PRKCB: variants seen among roughly 807,000 people sequenced by gnomAD.
PRKCB encodes the protein protein kinase C beta.
A neutral mutation model predicts 81.5 loss-of-function variants in PRKCB; 13 were observed. The ratio of observed to expected loss-of-function variants is 0.16; its 90% confidence interval spans 0.10 to 0.25. PRKCB has a LOEUF of 0.25. Among genes scored for constraint, PRKCB ranks in the 10% least tolerant of loss-of-function variants. The pLI, the probability that PRKCB is intolerant of heterozygous loss-of-function variation, is 1.00. For missense variants in PRKCB, 509 were observed against 875.7 expected, an observed-to-expected ratio of 0.58 and a Z score of 5.29; for synonymous variants, 335 against 321.4, an observed-to-expected ratio of 1.04 and a Z score of -0.45.
chr16:23,992,245 G>A (rs1165659096), intron 3 of PRKCB, among the ~76,000 whole-genome samples: 4 of 152,200 alleles, frequency 2.6e-5, no homozygotes, highest in African/African-American at 9.7e-5. Flanking sequence ...GCAGCCAGAA[G>A]GGACTAGGAC....
intron 9 of PRKCB, among the ~76,000 whole-genome samples, chr16:24,145,036 C>T (rs953148611): frequency 6.6e-6 from 1 of 152,026 alleles, no homozygotes; most frequent in East Asian, 1.9e-4. Flanking sequence ...GACAATGGGG[C>T]CTATGAGTTT....
intron 3 of PRKCB, among the ~76,000 whole-genome samples, chr16:24,011,010 A>G (rs1225686190): frequency 6.6e-6 from 1 of 152,058 alleles, no homozygotes; most frequent in Non-Finnish European, 1.5e-5. Context: ...GGCTACAGGC[A>G]TGTGCCGCTA....
intron 2 of PRKCB, among the ~76,000 whole-genome samples, chr16:23,861,702 T>A (rs2141090745): frequency 6.6e-6 from 1 of 152,270 alleles, no homozygotes; most frequent in East Asian, 1.9e-4. Flanking sequence ...ACAAAGGATT[T>A]GTGTTTAAGT....
At chr16:23,901,548 T>A (rs1963472884) in intron 2 of PRKCB, among the ~76,000 whole-genome samples, 1 of 152,164 alleles carries the variant, frequency 6.6e-6, no homozygotes, top group Non-Finnish European at 1.5e-5. Context: ...GGGAGAAATG[T>A]CTTCTTTTAA....
chr16:24,066,646 CTTAGTGTATTCCAGGATCT>C, intron 5 of PRKCB, among the ~76,000 whole-genome samples: 1 of 151,272 alleles, frequency 6.6e-6, no homozygotes, highest in African/African-American at 2.4e-5. Flanking sequence ...TCACGATATT[CTTAGTGTATTCCAGGATCT>C]CATGTAGGAT....
At chr16:24,094,866 G>T (rs980807144) in intron 7 of PRKCB, among the ~76,000 whole-genome samples, 4 of 135,940 alleles carry the variant, frequency 2.9e-5, no homozygotes, top group Non-Finnish European at 6.7e-5. Flanking sequence ...GGAAGAAAAA[G>T]GGAAAGGGAA....
chr16:24,123,166 C>A (rs549487066), intron 8 of PRKCB, among the ~76,000 whole-genome samples: 1 of 152,124 alleles, frequency 6.6e-6, no homozygotes, highest in Non-Finnish European at 1.5e-5. Context: ...CAGAGAGAAT[C>A]GATGAGGGCT....
In PRKCB at chr16:23,848,190, G is replaced by A. The variant is rs555030062; in HGVS notation, c.205+10784G>A. Among the ~76,000 whole-genome samples, 5 of 152,334 alleles carry A rather than the reference G, an allele frequency of 3.3e-5. No individual in the cohort carries two copies. The East Asian group carries it at 9.6e-4, about 29-fold the overall frequency. The stretch of plus-strand genomic sequence containing the variant: ...GGTTGGCCCCTGTGAAGGCAGTGTA[G>A]TGACTAGGAAGTGGTTGTTGTCACT... On this transcript the variant is annotated intron_variant, in intron 2 of 16. Coordinates refer to ENST00000643927, the MANE Select transcript of PRKCB (RefSeq NM_002738.7).
At chr16:23,864,960 C>T (rs1339158716) in intron 2 of PRKCB, among the ~76,000 whole-genome samples, 1 of 151,986 alleles carries the variant, frequency 6.6e-6, no homozygotes, top group Admixed American at 6.6e-5. Context: ...TGTTTAGTTC[C>T]CACTTCGAAG....
intron 2 of PRKCB, among the ~76,000 whole-genome samples, chr16:23,978,471 C>G (rs1213569678): frequency 6.6e-6 from 1 of 152,204 alleles, no homozygotes; most frequent in Non-Finnish European, 1.5e-5. Flanking sequence ...TCCAATCTGG[C>G]CCTCTGTCTG....
rs1430851730 is a variant in PRKCB, at chr16:23,943,246, C to A, written c.206-45262C>A. Among the ~76,000 whole-genome samples the A allele has an allele frequency of 5.9e-5, 9 of 152,164 alleles. 1 individual carries two copies. On this transcript the variant is annotated intron_variant, in intron 2 of 16. Transcript: ENST00000643927. The stretch of plus-strand genomic sequence containing the variant: ...GTTGTAAAGGTCACATATGTGTGGC[C>A]AGGCACAGTGGCTTATGCCTGTAAT...
At chr16:24,006,917 C>A (rs1596508256) in intron 3 of PRKCB, among the ~76,000 whole-genome samples, 2 of 152,284 alleles carry the variant, frequency 1.3e-5, no homozygotes. Flanking sequence ...TGCTACATTG[C>A]AGATTGCAGA....
intron 16 of PRKCB, among the ~76,000 whole-genome samples, chr16:24,192,535 A>G (rs1967809662): frequency 6.6e-6 from 1 of 152,160 alleles, no homozygotes; most frequent in South Asian, 2.1e-4. Context: ...CATAACTCAT[A>G]TGGTTTTTGT....
At chr16:23,930,022 G>A (rs1245601815) in intron 2 of PRKCB, among the ~76,000 whole-genome samples, 1 of 152,048 alleles carries the variant, frequency 6.6e-6, no homozygotes, top group Non-Finnish European at 1.5e-5. Context: ...TGGTCGAAAT[G>A]GGATTTGTAG....
intron 2 of PRKCB, chr16:23,893,691 A>C (rs1307695737): frequency 1.3e-5 from 2 of 152,204 alleles, no homozygotes; most frequent in African/African-American, 2.4e-5. Flanking sequence ...ATTGTTTTAT[A>C]ACCCTCTTTT....
chr16:23,868,037 A>G (rs1041134741), intron 2 of PRKCB, among the ~76,000 whole-genome samples: 8 of 151,818 alleles, frequency 5.3e-5, no homozygotes, highest in African/African-American at 1.9e-4. Context: ...ATCTTCCCCT[A>G]CGGATTTGTT....
rs142442448 is a variant in PRKCB at position 23,844,945 on chromosome 16, G to T, written c.205+7539G>T. On this transcript the variant is annotated intron_variant, in intron 2 of 16. Transcript: ENST00000643927. The stretch of plus-strand genomic sequence containing the variant: ...GCCTCCCAAGTAGCTGCGATTACAG[G>T]TGCCCACCACCTCGCCCAGCTAATT... Among the ~76,000 whole-genome samples the T allele has an allele frequency of 1.5e-3, 225 of 152,078 alleles. 1 individual carries two copies. The highest frequency in any genetic ancestry group is 5.1e-3 in the African/African-American group (213 of 41,454).
intron 13 of PRKCB, among the ~76,000 whole-genome samples, chr16:24,182,511 A>G (rs1180517429): frequency 6.6e-6 from 1 of 152,202 alleles, no homozygotes; most frequent in South Asian, 2.1e-4. Context: ...ACTGAGCGAG[A>G]CTCTGTCTCA....
At chr16:24,185,070 G>A (rs767829830) in intron 13 of PRKCB, 41 bp from the exon 14 acceptor site, 1 of 1,534,860 alleles carries the variant, frequency 6.5e-7, no homozygotes, top group South Asian at 1.1e-5. Context: ...GAAGAAACAT[G>A]AACTGCAAAC....
Sources: allele counts gnomAD v4.1 joint callset (sites outside exome capture counted in the v4.1 genomes callset), GRCh38; gene constraint gnomAD v4.1.1; transcripts MANE v1.5; gene names NCBI Gene and HGNC (gene_info 2026-07-23, HGNC 2026-07-21).